HOXA3: variants seen among roughly 807,000 people sequenced by gnomAD.
HOXA3 encodes the protein homeobox protein Hox-A3.
In HOXA3, 8 loss-of-function variants were observed where a neutral mutation model predicts 30.3. That is an observed-to-expected ratio of 0.26 (90% confidence interval 0.15 to 0.48). The LOEUF is 0.48. Ranked by LOEUF, HOXA3 falls within the 20% of genes least tolerant of loss-of-function variation. The pLI is 0.99. For missense variants in HOXA3, 653 were observed against 614.4 expected (o/e 1.06, Z -0.66); for synonymous variants, 323 against 273.1 (o/e 1.18, Z -1.80).
chr7:27,143,561 C>T, intron 1 of HOXA3: 2 of 1,605,866 alleles, frequency 1.2e-6, no homozygotes, highest in Non-Finnish European at 1.7e-6. Flanking sequence ...GTAGTCCGGG[C>T]CATTTGGATA....
Position 27,120,512 on chromosome 7 carries a change from G to GC in HOXA3, c.-121+2046dup. On this transcript the variant is annotated intron_variant, in intron 4 of 5. Coordinates refer to ENST00000612286, the MANE Select transcript of HOXA3 (RefSeq NM_153631.3). ...GCTGAGATCGTACCACTGCACTCCA[G>GC]CCTGGGACAGAGCGCGACTCTGTCA... Among the ~76,000 whole-genome samples the GC allele has an allele frequency of 3.6e-5, 5 of 137,516 alleles. No individual in the cohort carries two copies. In the South Asian group the frequency reaches 1.1e-3, roughly 31 times the overall value. 90.2% of individuals were successfully genotyped at this position (137,516 alleles called of 152,430 possible).
chr7:27,150,007 C>T (rs1404576573), intron 1 of HOXA3: 1 of 152,070 alleles, frequency 6.6e-6, no homozygotes, highest in Non-Finnish European at 1.5e-5. Flanking sequence ...AATTATTGTT[C>T]CAGCTAACAA....
intron 1 of HOXA3, among the ~76,000 whole-genome samples, chr7:27,148,346 G>T (rs1190887321): frequency 1.3e-5 from 2 of 152,240 alleles, no homozygotes; most frequent in African/African-American, 2.4e-5. Context: ...CTGGAGCAAG[G>T]GCCATGAGAA....
intron 2 of HOXA3, chr7:27,130,732 A>G: frequency 6.2e-7 from 1 of 1,604,578 alleles, no homozygotes; most frequent in Non-Finnish European, 8.5e-7. Context: ...GCTCATGGTC[A>G]TTAATTTGTG....
intron 3 of HOXA3, chr7:27,124,616 T>G (rs1785194904): frequency 6.6e-6 from 1 of 152,290 alleles, no homozygotes; most frequent in African/African-American, 2.4e-5. Flanking sequence ...AAATGGTAAG[T>G]TGGAATCTCA....
chr7:27,147,408 G>GTCGGGTTTGTACTGCTGCTC, intron 1 of HOXA3: 1 of 1,614,240 alleles, frequency 6.2e-7, no homozygotes, highest in South Asian at 1.1e-5. Context: ...CGCTGCTGCT[G>GTCGGGTTTGTACTGCTGCTC]TCGGGTTTGT....
intron 3 of HOXA3, among the ~76,000 whole-genome samples, chr7:27,125,738 G>C (rs550371370): frequency 1.3e-5 from 2 of 152,350 alleles, no homozygotes; most frequent in South Asian, 4.1e-4. Context: ...CATTCAGAGG[G>C]GAAGCCCCAG....
chr7:27,145,908 T>A (rs1213343350), intron 1 of HOXA3: 3 of 1,613,468 alleles, frequency 1.9e-6, no homozygotes, highest in Admixed American at 1.7e-5. Context: ...ATGGCTCCCA[T>A]ACACAGCACC....
At chr7:27,145,919 T>G in intron 1 of HOXA3, 1 of 1,611,828 alleles carries the variant, frequency 6.2e-7, no homozygotes, top group South Asian at 1.1e-5. Flanking sequence ...ACACAGCACC[T>G]ACGAGCAGAA....
chr7:27,126,627 T>C (rs1785294922), intron 3 of HOXA3, among the ~76,000 whole-genome samples: 1 of 152,188 alleles, frequency 6.6e-6, no homozygotes, highest in Non-Finnish European at 1.5e-5. Context: ...ATGGCAATCA[T>C]TTGGATCATT....
At chr7:27,128,972 C>T (rs774811205) in intron 2 of HOXA3, 23 of 564,496 alleles carry the variant, frequency 4.1e-5, no homozygotes, top group African/African-American at 7.5e-5. Flanking sequence ...CAGGTATCCA[C>T]ACCTGGCAGC....
Position 27,110,548 on chromosome 7 carries a change from C to T in HOXA3, c.93G>A (p.Gln31=). 1 of 1,606,844 alleles carries T rather than the reference C, an allele frequency of 6.2e-7. No individual in the cohort carries two copies. Among genetic ancestry groups the T allele is most frequent in the Non-Finnish European group, 8.5e-7 (1 of 1,174,906 alleles). Residue 31 remains glutamine (Q), a synonymous_variant, in exon 5 of 6, where the codon CAG becomes CAA. Transcript: ENST00000612286. ...ANGFAYNANQ[Q]PYPASAALGA... Reference sequence around the variant, plus strand: ...CCAAAGCGGCGGACGCCGGGTACGGCTGCTGATTGGCATTATAAGCGAACC... The same window carrying T: ...CCAAAGCGGCGGACGCCGGGTACGGTTGCTGATTGGCATTATAAGCGAACC...
intron 1 of HOXA3, chr7:27,151,329 C>T (rs996297741): frequency 3.1e-6 from 1 of 318,918 alleles, no homozygotes; most frequent in African/African-American, 2.2e-5. Context: ...GCCAGCAGCA[C>T]GCTCTGCGCT....
chr7:27,143,600 G>T (rs764672756), intron 1 of HOXA3: 2 of 1,594,096 alleles, frequency 1.3e-6, no homozygotes, highest in Non-Finnish European at 1.7e-6. Flanking sequence ...TACAAAATAA[G>T]AGCTCATTTG....
chr7:27,129,708 G>GC, intron 2 of HOXA3: 2 of 941,284 alleles, frequency 2.1e-6, no homozygotes, highest in Non-Finnish European at 3.3e-6. Context: ...CCAAGTTCAC[G>GC]CAAGATACAT....
intron 4 of HOXA3, among the ~76,000 whole-genome samples, chr7:27,120,490 G>T (rs1222980521): frequency 1.4e-5 from 2 of 143,010 alleles, no homozygotes; most frequent in Non-Finnish European, 3.0e-5. Flanking sequence ...GCAGTGAGCT[G>T]AGATCGTACC....
chr7:27,119,670 T>C lies in HOXA3; in HGVS notation c.-121+2889A>G, dbSNP rs535504346. 9 of 152,314 alleles carry C rather than the reference T, an allele frequency of 5.9e-5. No individual in the cohort carries two copies. The East Asian group carries it at 1.5e-3, about 26-fold the overall frequency. 9.4% of individuals were successfully genotyped at this position (152,314 alleles called of 1,614,324 possible). A position where few individuals can be genotyped will look rare whatever the true frequency, so the allele number is the denominator to read the frequency against. On this transcript the variant is annotated intron_variant, in intron 4 of 5. Transcript: ENST00000612286. ...ATGCCTGAGTGTGAGGACTCACTTA[T>C]AGCAGCTGCAGGAGGCTGTGCATGA...
intron 2 of HOXA3, chr7:27,130,222 C>A (rs1785468896): frequency 1.4e-6 from 2 of 1,466,744 alleles, no homozygotes; most frequent in Middle Eastern, 1.8e-4. Flanking sequence ...CGCGGGGGCG[C>A]TGCCCCCTGC....
intron 2 of HOXA3, among the ~76,000 whole-genome samples, chr7:27,133,077 C>G (rs1785609961): frequency 6.6e-6 from 1 of 152,110 alleles, no homozygotes; most frequent in African/African-American, 2.4e-5. Context: ...GGAAGATGGC[C>G]TTACACAGAA....
Sources: gnomAD v4.1 joint callset for allele counts (sites outside exome capture counted in the v4.1 genomes callset) on GRCh38, gnomAD v4.1.1 for gene constraint, MANE v1.5 for transcripts, NCBI Gene and HGNC (gene_info 2026-07-23, HGNC 2026-07-21) for gene names.